JAK3: variants seen among roughly 807,000 people sequenced by gnomAD.
The protein encoded by JAK3 is tyrosine-protein kinase JAK3.
A neutral mutation model predicts 120.8 loss-of-function variants in JAK3; 88 were observed. The ratio of observed to expected loss-of-function variants is 0.73; its 90% CI spans 0.61 to 0.87. The LOEUF is 0.87. Among genes scored for constraint, JAK3 ranks in the 40% least tolerant of loss-of-function variants. The probability of loss-of-function intolerance (pLI) is 0.00; values close to 1 mark genes in which losing one functional copy is unlikely to be tolerated. For missense variants in JAK3, 1,254 were observed against 1,501.4 expected, an observed-to-expected ratio of 0.84 and a Z score of 2.72; for synonymous variants, 592 against 628.6, an observed-to-expected ratio of 0.94 and a Z score of 0.87.
rs944206899 is a variant in JAK3, at chr19:17,841,325, G to A, written c.1142+64C>T. 6 of 1,496,996 alleles carry A rather than the reference G, an allele frequency of 4.0e-6. No homozygotes were observed. The African/African-American group carries it at 6.9e-5, about 17-fold the overall frequency. 92.7% of individuals were successfully genotyped at this position (1,496,996 alleles called of 1,614,324 possible). On this transcript the variant is annotated intron_variant, in intron 8 of 23. Transcript: ENST00000458235. This position sits in a 1 kb window ranked among gnomAD's most constrained non-coding sequence, Gnocchi z 4.1. The stretch of plus-strand genomic sequence containing the variant: ...GGCTCCTGGAAGGTGAGGACACTGA[G>A]GCATAGAGAAGGGGAGGGGCCCTGA...
At chr19:17,829,292 G>C (rs2094209477) in intron 23 of JAK3, among the ~76,000 whole-genome samples, 1 of 152,086 alleles carries the variant, frequency 6.6e-6, no homozygotes, top group African/African-American at 2.4e-5. Context: ...AGCCTCGCAA[G>C]TAGCTGAGAT....
chr19:17,827,639 GC>G (rs1240472873), intron 23 of JAK3, among the ~76,000 whole-genome samples: 2 of 141,376 alleles, frequency 1.4e-5, no homozygotes, highest in Admixed American at 7.5e-5. Flanking sequence ...GAGCCACCGC[GC>G]CCAGCCCTTA....
chr19:17,839,247 C>A lies in JAK3; in HGVS notation c.1441+230G>T, dbSNP rs541887533. On this transcript the variant is annotated intron_variant, in intron 10 of 23. Coordinates refer to ENST00000458235, the MANE Select transcript of JAK3 (RefSeq NM_000215.4). ...ATTCACCCAGAGGAAGAGCTGAGAG[C>A]TGGAGAGAGACTAGGTGCAGATGAC... The A allele has an allele frequency of 1.1e-4, 72 of 661,450 alleles. No individual in the cohort carries two copies. In the Admixed American group the frequency reaches 1.4e-3, roughly 13 times the overall value. 41.0% of individuals were successfully genotyped at this position (661,450 alleles called of 1,614,324 possible).
Position 17,841,445 on chromosome 19 carries a change from C to T in JAK3, c.1086G>A (p.Glu362=), listed in dbSNP as rs1286422153. The T allele has an allele frequency of 2.6e-6, 4 of 1,555,116 alleles. No homozygotes were observed. Among genetic ancestry groups the T allele is most frequent in the Admixed American group, 1.9e-5 (1 of 51,314 alleles). Residue 362 remains glutamate (E), a synonymous_variant, in exon 8 of 24, where the codon GAG becomes GAA. Coordinates refer to ENST00000458235, the MANE Select transcript of JAK3 (RefSeq NM_000215.4). The surrounding 1 kb of genome is among the most constrained non-coding windows in gnomAD (Gnocchi z 4.1). ...TTDSQHFFCK[E]VAPPRLLEEV... is the part of the protein sequence containing the mutation. ...CCTCCAGCAGCCTCGGCGGTGCCAC[C>T]TCCTTGCAGAAGAAGTGCTGGGAGT...
chr19:17,829,625 TG>T (rs2094210003), intron 23 of JAK3, among the ~76,000 whole-genome samples: 1 of 152,056 alleles, frequency 6.6e-6, no homozygotes, highest in Non-Finnish European at 1.5e-5. Context: ...CCAAGTGTGG[TG>T]GTGTACACCT....
intron 11 of JAK3, 22 bp downstream of exon 11, chr19:17,838,241 C>G: frequency 6.2e-7 from 1 of 1,613,962 alleles, no homozygotes; most frequent in East Asian, 2.2e-5. Context: ...GAGGTATCGC[C>G]TCATTTCCCA....
Position 17,825,461 on chromosome 19 carries a change from C to T in JAK3, c.*1282G>A, listed in dbSNP as rs1459030387. ...CAGATACCATTAGGGTGGACTGGGACCCCAGCCTTTCCTGCCCCCTTTCAG... is the reference window on the plus strand; with the variant it reads ...CAGATACCATTAGGGTGGACTGGGATCCCAGCCTTTCCTGCCCCCTTTCAG... On this transcript the variant is annotated 3_prime_UTR_variant, in exon 24 of 24. Transcript: ENST00000458235. The T allele has an allele frequency of 4.7e-6, 1 of 214,696 alleles. No homozygotes were observed. Among genetic ancestry groups the T allele is most frequent in the Non-Finnish European group, 9.4e-6 (1 of 106,412 alleles). The allele number at this position is 214,696 out of a possible 1,614,324, so 13.3% of individuals were successfully genotyped here.
chr19:17,836,135 G>T, intron 13 of JAK3, 84 bp from the exon 14 acceptor site: 1 of 1,535,976 alleles, frequency 6.5e-7, no homozygotes, highest in Non-Finnish European at 9.0e-7. Context: ...TGGCTCTCAG[G>T]GTCTCTCAAA....
intron 13 of JAK3, 53 bp from the exon 14 acceptor site, chr19:17,836,104 G>C (rs1393840344): frequency 6.2e-7 from 1 of 1,607,744 alleles, no homozygotes; most frequent in East Asian, 2.2e-5. Context: ...CACTTGTGTT[G>C]AGGAGGTTCT....
At chr19:17,833,776 C>T (rs1215880211) in intron 17 of JAK3, among the ~76,000 whole-genome samples, 1 of 151,958 alleles carries the variant, frequency 6.6e-6, no homozygotes, top group Non-Finnish European at 1.5e-5. Flanking sequence ...TTGCTTGAAC[C>T]AGGGAGGCAG....
rs2094203603 is a variant in JAK3 at position 17,826,171 on chromosome 19, G to C, written c.*572C>G. ...GGCTGAGGTGGGAGGATCACTTGAG[G>C]TTAGGAGTTCGAGATCAGCCTGGCC... On this transcript the variant is annotated 3_prime_UTR_variant, in exon 24 of 24. Transcript: ENST00000458235. 6.5e-6 allele frequency: 1 copy of C among 154,504 alleles called. No homozygotes were observed. The highest frequency in any genetic ancestry group is 6.6e-5 in the Admixed American group (1 of 15,254). The allele number at this position is 154,504 out of a possible 1,614,324, so 9.6% of individuals were successfully genotyped here.
intron 13 of JAK3, 115 bp downstream of exon 13, chr19:17,837,014 C>T: frequency 1.4e-6 from 1 of 726,436 alleles, no homozygotes; most frequent in Non-Finnish European, 2.4e-6. Flanking sequence ...GGCTCCCATC[C>T]AGGGTGGCCC....
Position 17,831,553 on chromosome 19 carries a change from C to G in JAK3, c.2805+121G>C, listed in dbSNP as rs1312344450. On this transcript the variant is annotated intron_variant, in intron 20 of 23. Transcript: ENST00000458235. The surrounding 1 kb of genome is among the most constrained non-coding windows in gnomAD (Gnocchi z 5.1). Reference sequence around the variant, plus strand: ...TTCTGATCCTGAGCCCTAAGCCAACCCCACCACTCCCGAGACCTGGACCCC... The same window carrying G: ...TTCTGATCCTGAGCCCTAAGCCAACGCCACCACTCCCGAGACCTGGACCCC... The G allele has an allele frequency of 2.0e-4, 295 of 1,498,124 alleles. No individual in the cohort carries two copies. Among genetic ancestry groups the G allele is most frequent in the Non-Finnish European group, 2.5e-4 (281 of 1,113,374 alleles). The allele number at this position is 1,498,124 out of a possible 1,614,324, so 92.8% of individuals were successfully genotyped here. A position where few individuals can be genotyped will look rare whatever the true frequency, so the allele number is the denominator to read the frequency against.
rs763128788 is a variant in JAK3 at position 17,842,627 on chromosome 19, G to A, written c.567-17C>T. ...GCCTTGTAGCTGCAGGGGTTGGAGG[G>A]GAGGGAGCCGGCCCTCAGCGTCGGG... On this transcript the variant is annotated splice_polypyrimidine_tract_variant and intron_variant, in intron 5 of 23. Transcript: ENST00000458235. This position sits in a 1 kb window ranked among gnomAD's most constrained non-coding sequence, Gnocchi z 6.4. 7 of 1,546,108 alleles carry A rather than the reference G, an allele frequency of 4.5e-6. No homozygotes were observed. Among genetic ancestry groups the A allele is most frequent in the South Asian group, 1.2e-5 (1 of 83,200 alleles).
chr19:17,833,542 G>GA (rs58330868), intron 17 of JAK3, among the ~76,000 whole-genome samples: 10,638 of 74,596 alleles, frequency 0.14, 746 homozygotes, highest in East Asian at 0.29. Flanking sequence ...CCCCATCACA[G>GA]AAAAAAAAAA....
chr19:17,843,365 C>T lies in JAK3; in HGVS notation c.420+15G>A. On this transcript the variant is annotated intron_variant, in intron 4 of 23. Transcript: ENST00000458235. This position sits in a 1 kb window ranked among gnomAD's most constrained non-coding sequence, Gnocchi z 5.4. ...ACCCCCAACCCCCTGGGTCAAACCC[C>T]AGGCAGAACCCCACCTGGGCAAAGA... 6.4e-7 allele frequency: 1 copy of T among 1,569,430 alleles called. No individual in the cohort carries two copies. The highest frequency in any genetic ancestry group is 8.7e-7 in the Non-Finnish European group (1 of 1,155,488).
Position 17,832,887 on chromosome 19 carries a change from G to A in JAK3, c.2393C>T (p.Pro798Leu), listed in dbSNP as rs202211629. ...LSDPTPGALA[P>L]RDGLWNGAQL... ...GGCACCATTCCACAGCCCATCACGA[G>A]GTGCCAGGGCACCAGGTGTGGGGTC... The change falls in exon 18 of 24, where the codon CCT becomes CTT. Residue 798 changes from proline (P) to leucine (L), a missense_variant. Pro to Leu is a moderately conservative substitution (Grantham distance 98). Transcript: ENST00000458235. This position sits in a 1 kb window ranked among gnomAD's most constrained non-coding sequence, Gnocchi z 4.7. The A allele has an allele frequency of 6.2e-7, 1 of 1,614,232 alleles. No individual in the cohort carries two copies. Among genetic ancestry groups the A allele is most frequent in the Non-Finnish European group, 8.5e-7 (1 of 1,180,044 alleles).
In JAK3 at chr19:17,841,423, C is replaced by T. The variant is rs200631515; in HGVS notation, c.1108G>A (p.Glu370Lys). The T allele has an allele frequency of 4.5e-5, 70 of 1,553,432 alleles. No individual in the cohort carries two copies. The highest frequency in any genetic ancestry group is 5.2e-5 in the Non-Finnish European group (60 of 1,148,726). The change falls in exon 8 of 24, where the codon GAG becomes AAG. Residue 370 changes from glutamate (E) to lysine (K), a missense_variant. Glu to Lys is a moderately conservative substitution (Grantham distance 56). Coordinates refer to ENST00000458235, the MANE Select transcript of JAK3 (RefSeq NM_000215.4). The surrounding 1 kb of genome is among the most constrained non-coding windows in gnomAD (Gnocchi z 4.1). The stretch of plus-strand genomic sequence containing the variant: ...CCGTGGCACTGCTCGGCCACTTCCT[C>T]CAGCAGCCTCGGCGGTGCCACCTCC... ...CKEVAPPRLL[E>K]EVAEQCHGPI...
intron 23 of JAK3, among the ~76,000 whole-genome samples, chr19:17,829,230 T>A (rs1299437336): frequency 1.3e-5 from 2 of 152,144 alleles, no homozygotes; most frequent in African/African-American, 2.4e-5. Context: ...AGTGGCATGA[T>A]CTTGGCTCAC....
Sources: allele counts gnomAD v4.1 joint callset (sites outside exome capture counted in the v4.1 genomes callset), GRCh38; gene constraint gnomAD v4.1.1; non-coding constraint Gnocchi (gnomAD v3.1); transcripts MANE v1.5; gene names NCBI Gene and HGNC (gene_info 2026-07-23, HGNC 2026-07-21).